The following DMD variants were observed in gnomAD, a reference collection of about 807,000 sequenced individuals.
DMD encodes mutant dystrophin.
In DMD, 63 loss-of-function variants were observed where a neutral mutation model predicts 330.1. That is an observed-to-expected ratio of 0.19 (90% CI 0.16 to 0.24). DMD has a LOEUF of 0.24. DMD is among the 10% of genes least tolerant of loss of function. The probability of loss-of-function intolerance (pLI) is 1.00; values close to 1 mark genes in which losing one functional copy is unlikely to be tolerated. For missense variants in DMD, 3,344 were observed against 2,684.1 expected (o/e 1.25, Z -5.43); for synonymous variants, 1,223 against 959.8 (o/e 1.27, Z -5.07).
intron 47 of DMD, among the ~76,000 whole-genome samples, chrX:31,911,986 C>T (rs1603583570): frequency 3.6e-5 from 4 of 111,632 alleles, no homozygotes; most frequent in African/African-American, 1.3e-4. Context: ...TCTACGCCAA[C>T]AACAACAAAC....
At chrX:32,871,744 T>C (rs548209159) in intron 2 of DMD, among the ~76,000 whole-genome samples, 1 of 111,581 alleles carries the variant, frequency 9.0e-6, no homozygotes, top group East Asian at 2.8e-4. Context: ...GTCGTTGTTA[T>C]GAGCTTCTGA....
intron 59 of DMD, among the ~76,000 whole-genome samples, chrX:31,451,862 T>C (rs777558426): frequency 9.0e-6 from 1 of 110,975 alleles, no homozygotes; most frequent in Non-Finnish European, 1.9e-5. Context: ...TGTGATTGCA[T>C]TTTTTTCCAG....
chrX:31,968,643 A>G (rs1382156864), intron 44 of DMD, 129 bp from the exon 45 acceptor site: 1 of 737,490 alleles, frequency 1.4e-6, no homozygotes, highest in Non-Finnish European at 2.0e-6. Flanking sequence ...CCATGTGAAA[A>G]TTTCCCTATG....
chrX:32,754,126 T>A (rs763290355), intron 7 of DMD, among the ~76,000 whole-genome samples: 1 of 111,792 alleles, frequency 8.9e-6, no homozygotes, highest in Non-Finnish European at 1.9e-5. Context: ...TAAAACAATA[T>A]TTAGAGTTGC....
intron 16 of DMD, among the ~76,000 whole-genome samples, chrX:32,563,944 A>G (rs1315268077): frequency 1.8e-5 from 2 of 111,410 alleles, no homozygotes; most frequent in African/African-American, 6.5e-5. Context: ...TTTGCTTACC[A>G]ATTATTTCAT....
chrX:32,779,626 T>C (rs1356574105), intron 7 of DMD, among the ~76,000 whole-genome samples: 1 of 103,026 alleles, frequency 9.7e-6, no homozygotes, highest in Admixed American at 1.1e-4. Context: ...TTGCTGAGAA[T>C]GATGGTTTCC....
intron 1 of DMD, among the ~76,000 whole-genome samples, chrX:33,141,168 C>T (rs891524772): frequency 2.7e-5 from 3 of 111,336 alleles, no homozygotes; most frequent in Non-Finnish European, 3.8e-5. Flanking sequence ...CACTGAGATT[C>T]GAACTCAGCA....
At chrX:32,338,659 C>A (rs2097726742) in intron 41 of DMD, among the ~76,000 whole-genome samples, 1 of 111,388 alleles carries the variant, frequency 9.0e-6, no homozygotes, top group African/African-American at 3.3e-5. Context: ...CCACAATAAT[C>A]ATAATTTTAG....
chrX:32,241,305 T>A (rs2097207716), intron 43 of DMD, among the ~76,000 whole-genome samples: 1 of 112,179 alleles, frequency 8.9e-6, no homozygotes, highest in African/African-American at 3.2e-5. Context: ...TGCACTGCAA[T>A]GTTACTGGGG....
chrX:32,894,472 A>G (rs1397805191), intron 2 of DMD, among the ~76,000 whole-genome samples: 1 of 112,610 alleles, frequency 8.9e-6, no homozygotes, highest in Non-Finnish European at 1.9e-5. Context: ...GAGCGGGCAA[A>G]CCAACGCTGC....
chrX:32,430,324 G>C (rs750356811), intron 29 of DMD, among the ~76,000 whole-genome samples: 7 of 111,320 alleles, frequency 6.3e-5, no homozygotes, highest in Non-Finnish European at 1.1e-4. Context: ...TGTGCTTTCT[G>C]TTTAAGTGGT....
intron 1 of DMD, among the ~76,000 whole-genome samples, chrX:33,134,898 C>T (rs902145171): frequency 1.8e-5 from 2 of 111,613 alleles, no homozygotes; most frequent in African/African-American, 6.5e-5. Context: ...ATTACGTCTC[C>T]TATATGAGAA....
chrX:32,091,590 T>C (rs1033255000), intron 44 of DMD, among the ~76,000 whole-genome samples: 1 of 110,822 alleles, frequency 9.0e-6, no homozygotes, highest in African/African-American at 3.3e-5. Flanking sequence ...ATTTTCCAGG[T>C]TTAAAACATT....
intron 55 of DMD, among the ~76,000 whole-genome samples, chrX:31,600,032 G>A (rs2077271673): frequency 9.0e-6 from 1 of 111,215 alleles, no homozygotes; most frequent in African/African-American, 3.3e-5. Flanking sequence ...CTGGGTTCAC[G>A]TGATCCTTCT....
chrX:32,119,190 C>T (rs2096624165), intron 44 of DMD, among the ~76,000 whole-genome samples: 1 of 110,188 alleles, frequency 9.1e-6, no homozygotes, highest in African/African-American at 3.3e-5. Context: ...CTTAGCAGGG[C>T]CTGGTGGCGC....
chrX:32,440,190 AAC>A (rs2098276464), intron 28 of DMD, among the ~76,000 whole-genome samples: 1 of 111,891 alleles, frequency 8.9e-6, no homozygotes, highest in Non-Finnish European at 1.9e-5. Context: ...TAGAACATGT[AAC>A]ACATTGCTGA....
At chrX:31,539,989 A>G (rs1486485833) in intron 55 of DMD, among the ~76,000 whole-genome samples, 3 of 111,760 alleles carry the variant, frequency 2.7e-5, no homozygotes, top group Admixed American at 1.9e-4. Context: ...GATGACCCCA[A>G]ATTTTTGACA....
intron 42 of DMD, among the ~76,000 whole-genome samples, chrX:32,298,743 TG>T (rs2097508226): frequency 9.1e-6 from 1 of 109,442 alleles, no homozygotes; most frequent in African/African-American, 3.4e-5. Flanking sequence ...TTAGGGGAGG[TG>T]GGAAAGGGGA....
At chrX:31,405,346 G>C (rs896378571) in intron 60 of DMD, among the ~76,000 whole-genome samples, 10 of 112,041 alleles carry the variant, frequency 8.9e-5, no homozygotes, top group Admixed American at 7.6e-4. Flanking sequence ...GGAACATACT[G>C]GCTGAATATC....
Sources: allele counts gnomAD v4.1 joint callset (sites outside exome capture counted in the v4.1 genomes callset), GRCh38; gene constraint gnomAD v4.1.1; transcripts MANE v1.5; gene names NCBI Gene and HGNC (gene_info 2026-07-23, HGNC 2026-07-21).